TAF4: variants seen among roughly 807,000 people sequenced by gnomAD.
TAF4 encodes transcription initiation factor TFIID subunit 4.
In TAF4, 9 loss-of-function variants were observed where a neutral mutation model predicts 90.3. That is an observed-to-expected ratio of 0.10 (90% CI 0.06 to 0.17). TAF4 has a LOEUF of 0.17. TAF4 is among the 10% of genes least tolerant of loss of function. The pLI, the probability that TAF4 is intolerant of heterozygous loss-of-function variation, is 1.00. For missense variants in TAF4, 1,351 were observed against 1,370.7 expected (o/e 0.99, Z 0.23); for synonymous variants, 818 against 638.9 (o/e 1.28, Z -4.23).
Position 62,064,989 on chromosome 20 carries a change from G to T in TAF4, c.822C>A (p.Pro274=). 5 of 274,232 alleles carry T rather than the reference G, an allele frequency of 1.8e-5. No homozygotes were observed. The highest frequency in any genetic ancestry group is 2.5e-5 in the African/African-American group (1 of 40,060). The allele number at this position is 274,232 out of a possible 1,614,324, so 17.0% of individuals were successfully genotyped here. A position where few individuals can be genotyped will look rare whatever the true frequency, so the allele number is the denominator to read the frequency against. Reference sequence around the variant, plus strand: ...GCCGGGCCAGAGTGGCGGGCGCGGGGGGTGGCGGGGGCGGGGCGGCGGCGG... The same window carrying T: ...GCCGGGCCAGAGTGGCGGGCGCGGGTGGTGGCGGGGGCGGGGCGGCGGCGG... ...AAPAAAPPPP[P]PAPATLARPP... Residue 274 remains proline (P), a synonymous_variant, in exon 1 of 15, where the codon CCC becomes CCA. Transcript: ENST00000252996.
At chr20:62,052,674 T>C (rs982598367) in intron 1 of TAF4, among the ~76,000 whole-genome samples, 5 of 150,558 alleles carry the variant, frequency 3.3e-5, no homozygotes, top group Non-Finnish European at 7.4e-5. Flanking sequence ...TGCACCCCTA[T>C]GTGAACTGCA....
In TAF4 at chr20:62,006,428, A is replaced by C; in HGVS notation, c.2223+82T>G. Reference sequence around the variant, plus strand: ...CCTGCATGCTTGGAAAAGGTTTCTGAGCCGTGGCCAATTTATCTAAGAAGC... The same window carrying C: ...CCTGCATGCTTGGAAAAGGTTTCTGCGCCGTGGCCAATTTATCTAAGAAGC... On this transcript the variant is annotated intron_variant, in intron 7 of 14. Transcript: ENST00000252996. The surrounding 1 kb of genome is among the most constrained non-coding windows in gnomAD (Gnocchi z 7.0). 7.6e-7 allele frequency: 1 copy of C among 1,315,252 alleles called. No homozygotes were observed. The highest frequency in any genetic ancestry group is 9.7e-7 in the Non-Finnish European group (1 of 1,029,744). 81.5% of individuals were successfully genotyped at this position (1,315,252 alleles called of 1,614,324 possible).
At chr20:62,026,011 G>T (rs1416776074) in intron 1 of TAF4, among the ~76,000 whole-genome samples, 4 of 152,138 alleles carry the variant, frequency 2.6e-5, no homozygotes, top group African/African-American at 9.7e-5. Context: ...CCCCAGTAAA[G>T]CTCTTAAAAC....
chr20:62,005,156 G>A (rs1339894896), intron 7 of TAF4: 1 of 152,020 alleles, frequency 6.6e-6, no homozygotes, highest in African/African-American at 2.4e-5. Context: ...GCAATGCTCA[G>A]GCCAGGCCCT....
Position 62,014,580 on chromosome 20 carries a change from TGTG to T in TAF4, c.1485_1487del (p.Thr496del), listed in dbSNP as rs759514832. ...TGGAGATCTGGACGGGAGGGGCACT[TGTG>T]GGGGTGGCAGGGCGAGGCGCCATGG... On this transcript the variant is annotated inframe_deletion, in exon 2 of 15. Transcript: ENST00000252996. 2.1e-5 allele frequency: 34 copies of T among 1,612,824 alleles called. No homozygotes were observed. Among genetic ancestry groups the T allele is most frequent in the Non-Finnish European group, 2.3e-5 (27 of 1,179,560 alleles).
chr20:62,000,003 A>T, intron 11 of TAF4, 121 bp downstream of exon 11: 2 of 1,224,108 alleles, frequency 1.6e-6, no homozygotes, highest in Non-Finnish European at 2.4e-6. Flanking sequence ...CACGTTCGTA[A>T]GGAACATGGA....
Position 61,998,185 on chromosome 20 carries a change from G to T in TAF4, c.2921C>A (p.Ser974Ter). 4 of 1,612,710 alleles carry T rather than the reference G, an allele frequency of 2.5e-6. No homozygotes were observed. In the South Asian group the frequency reaches 4.4e-5, roughly 18 times the overall value. The change falls in exon 13 of 15, where the codon TCA becomes TAA. Residue 974 changes from serine to a stop codon, truncating the protein, a stop_gained. Transcript: ENST00000252996. LOFTEE classifies it high-confidence loss of function. ...TAACTGTTCTGGATCTTCTTGTCTT[G>T]ACCGAGACTATTTTTGAAAGAGGCA... ...EILMRAAKSRSRQEDPEQLRL... is the reference protein window; with the variant it reads ...EILMRAAKSR
chr20:62,019,324 G>A (rs993184499), intron 1 of TAF4, among the ~76,000 whole-genome samples: 10 of 152,286 alleles, frequency 6.6e-5, no homozygotes, highest in African/African-American at 9.6e-5. Context: ...CAGCTCCCCC[G>A]TTCCCTGCCC....
At chr20:61,993,133 C>T (rs1012233505) in intron 14 of TAF4, among the ~76,000 whole-genome samples, 1 of 152,174 alleles carries the variant, frequency 6.6e-6, no homozygotes, top group East Asian at 1.9e-4. Flanking sequence ...CAAAAGAACA[C>T]CCCAAAGAGG....
At chr20:61,985,227 G>A (rs926615357) in intron 14 of TAF4, among the ~76,000 whole-genome samples, 1 of 151,766 alleles carries the variant, frequency 6.6e-6, no homozygotes, top group Non-Finnish European at 1.5e-5. Context: ...GTGAGTGACG[G>A]CCACACTGAG....
In TAF4 at chr20:61,981,615, G is replaced by A. The variant is rs115453720; in HGVS notation, c.3091-5280C>T. 6.2e-3 allele frequency among the ~76,000 whole-genome samples: 950 copies of A among 152,246 alleles called. 13 individuals are homozygous for A. Among genetic ancestry groups the A allele is most frequent in the African/African-American group, 0.022 (905 of 41,536 alleles). On this transcript the variant is annotated intron_variant, in intron 14 of 14. Transcript: ENST00000252996. The stretch of plus-strand genomic sequence containing the variant: ...ACCTACGAAAGGCAGGAAGCCAAGA[G>A]GACAGAATCGAGACACAGAAAGGAG...
rs1261775812 is a variant in TAF4, at chr20:62,006,059, C to G, written c.2223+451G>C. 6.4e-6 allele frequency: 1 copy of G among 156,960 alleles called. No individual in the cohort carries two copies. The highest frequency in any genetic ancestry group is 1.4e-5 in the Non-Finnish European group (1 of 71,528). 9.7% of individuals were successfully genotyped at this position (156,960 alleles called of 1,614,324 possible). A position where few individuals can be genotyped will look rare whatever the true frequency, so the allele number is the denominator to read the frequency against. On this transcript the variant is annotated intron_variant, in intron 7 of 14. Transcript: ENST00000252996. This position sits in a 1 kb window ranked among gnomAD's most constrained non-coding sequence, Gnocchi z 7.0. The stretch of plus-strand genomic sequence containing the variant: ...ATAAGTGAACCGCTATGAGCAGCCG[C>G]GGCTTCGCCTCCCGGGACTCACCTA...
intron 14 of TAF4, among the ~76,000 whole-genome samples, chr20:61,996,154 A>G (rs2055661402): frequency 6.6e-6 from 1 of 152,230 alleles, no homozygotes; most frequent in Non-Finnish European, 1.5e-5. Flanking sequence ...TACAGGGAAC[A>G]AGCTTAAAAA....
chr20:62,026,414 A>G (rs896249475), intron 1 of TAF4, among the ~76,000 whole-genome samples: 2 of 152,302 alleles, frequency 1.3e-5, no homozygotes, highest in South Asian at 2.1e-4. Flanking sequence ...AGGGGTTCTC[A>G]GCTCCCAGCC....
At chr20:62,053,364 G>A (rs1213499790) in intron 1 of TAF4, among the ~76,000 whole-genome samples, 2 of 152,182 alleles carry the variant, frequency 1.3e-5, no homozygotes, top group African/African-American at 4.8e-5. Flanking sequence ...GCACTGCCCT[G>A]TGACGAGCTC....
At position 62,065,430 on chromosome 20, in the gene TAF4, C is replaced by T. The variant is rs1419516871; in HGVS notation, c.381G>A (p.Arg127=). The change falls in exon 1 of 15, where the codon AGG becomes AGA. Residue 127 remains arginine (R), a synonymous_variant. Transcript: ENST00000252996. ...AGPAPPAAKL[R]PPPEGSAGSC... ...ACCCCGCGCTGCCCTCGGGCGGCGG[C>T]CTCAGCTTCGCGGCGGGCGGCGCGG... 1.0e-6 allele frequency: 1 copy of T among 974,778 alleles called. No individual in the cohort carries two copies. The highest frequency in any genetic ancestry group is 1.2e-4 in the East Asian group (1 of 8,390). 60.4% of individuals were successfully genotyped at this position (974,778 alleles called of 1,614,324 possible).
chr20:61,978,832 T>C (rs1483247714), intron 14 of TAF4: 1 of 153,688 alleles, frequency 6.5e-6, no homozygotes, highest in Non-Finnish European at 1.5e-5. Context: ...GAAGGTGCAC[T>C]ATGAATGAAC....
At position 62,065,750 on chromosome 20, in the gene TAF4, C is replaced by T; in HGVS notation, c.61G>A (p.Val21Met). The T allele has an allele frequency of 7.4e-7, 1 of 1,347,580 alleles. No individual in the cohort carries two copies. The allele number at this position is 1,347,580 out of a possible 1,614,324, so 83.5% of individuals were successfully genotyped here. The change falls in exon 1 of 15, where the codon GTG (valine) becomes ATG (methionine). Residue 21 changes from valine (V) to methionine (M), a missense_variant. By Grantham distance (21) the Val-to-Met change is conservative. Coordinates refer to ENST00000252996, the MANE Select transcript of TAF4 (RefSeq NM_003185.4). ...AGCGAGCCCACCAGGTCGCTCACCA[C>T]TTTCTCGTCCACCTCGCTGTTGAAG... ...VFFNSEVDEKVVSDLVGSLES... is the reference protein window; with the variant it reads ...VFFNSEVDEKMVSDLVGSLES...
intron 2 of TAF4, among the ~76,000 whole-genome samples, chr20:62,014,282 C>T (rs1025237612): frequency 6.6e-6 from 1 of 152,100 alleles, no homozygotes; most frequent in Non-Finnish European, 1.5e-5. Flanking sequence ...GGACTGCTCA[C>T]TTTGACCCCA....
Sources: gnomAD v4.1 joint callset for allele counts (sites outside exome capture counted in the v4.1 genomes callset) on GRCh38, gnomAD v4.1.1 for gene constraint, Gnocchi (gnomAD v3.1) non-coding constraint, MANE v1.5 for transcripts, NCBI Gene and HGNC (gene_info 2026-07-23, HGNC 2026-07-21) for gene names.